ZFHX3: variants seen among roughly 807,000 people sequenced by gnomAD.
ZFHX3 encodes zinc finger homeobox 3.
In ZFHX3, 42 loss-of-function variants were observed where a neutral mutation model predicts 279.1. The ratio of observed to expected loss-of-function variants is 0.15; its 90% CI spans 0.12 to 0.19. ZFHX3 has a LOEUF of 0.19. Ranked by LOEUF, ZFHX3 falls within the 10% of genes least tolerant of loss-of-function variation. The pLI, the probability that ZFHX3 is intolerant of heterozygous loss-of-function variation, is 1.00. For missense variants in ZFHX3, 4,981 were observed against 4,754.0 expected, an observed-to-expected ratio of 1.05 and a Z score of -1.40; for synonymous variants, 2,293 against 1,957.8, an observed-to-expected ratio of 1.17 and a Z score of -4.52.
At chr16:73,200,457 C>A (rs987098497) in intron 5 of ZFHX3, among the ~76,000 whole-genome samples, 7 of 152,092 alleles carry the variant, frequency 4.6e-5, no homozygotes, top group African/African-American at 7.2e-5. Flanking sequence ...AAAATGATAT[C>A]TTTTCAACCA....
At chr16:73,503,364 GCTTC>G (rs1489240138) in intron 2 of ZFHX3, among the ~76,000 whole-genome samples, 1 of 152,192 alleles carries the variant, frequency 6.6e-6, no homozygotes, top group East Asian at 1.9e-4. Context: ...ACAACTAGGG[GCTTC>G]CTTTTGCTTT....
rs142323888 is a variant in ZFHX3, at chr16:73,003,512, A to ACCC, written c.-49-43321_-49-43319dup. ...AGACCAGCCTGGCCAACATGGTGAG[A>ACCC]CCCCCCCCTCCCCACCCCGCCCCAT... is the stretch of plus-strand genomic sequence containing the variant. On this transcript the variant is annotated intron_variant, in intron 1 of 9. Coordinates refer to ENST00000268489, the MANE Select transcript of ZFHX3 (RefSeq NM_006885.4). 2.4e-3 allele frequency among the ~76,000 whole-genome samples: 284 copies of ACCC among 120,694 alleles called. 6 individuals carry two copies. The highest frequency in any genetic ancestry group is 7.2e-3 in the African/African-American group (225 of 31,168). The allele number at this position is 120,694 out of a possible 152,430, so 79.2% of individuals were successfully genotyped here.
At chr16:73,747,812 C>T (rs2142266409) in intron 1 of ZFHX3, among the ~76,000 whole-genome samples, 1 of 152,230 alleles carries the variant, frequency 6.6e-6, no homozygotes, top group Non-Finnish European at 1.5e-5. Context: ...ACACACATGT[C>T]CCATAGTATT....
At chr16:73,028,475 C>A (rs981055254) in intron 1 of ZFHX3, among the ~76,000 whole-genome samples, 3 of 152,122 alleles carry the variant, frequency 2.0e-5, no homozygotes, top group African/African-American at 7.2e-5. Context: ...TGCCACACAC[C>A]GGGTTTGGGG....
At chr16:73,309,406 A>G (rs2015270753) in intron 4 of ZFHX3, among the ~76,000 whole-genome samples, 1 of 152,162 alleles carries the variant, frequency 6.6e-6, no homozygotes, top group Non-Finnish European at 1.5e-5. Context: ...AAAGGCCATA[A>G]TCTCATTCTT....
rs527923691 is a variant in ZFHX3, at chr16:73,832,786, T to C, written c.-1608+58865A>G. Among the ~76,000 whole-genome samples the C allele has an allele frequency of 6.6e-5, 10 of 152,260 alleles. No individual in the cohort carries two copies. In the East Asian group the frequency reaches 1.9e-3, roughly 29 times the overall value. On this transcript the variant is annotated intron_variant, in intron 1 of 17. Transcript: ENST00000641206. ...CTCACATGCTGGTATATGTTAAATA[T>C]ATATCTACACACACACACACCTTGA...
rs148522649 is a variant in ZFHX3, at chr16:73,761,622, G to C, written c.-1607-81382C>G. On this transcript the variant is annotated intron_variant, in intron 1 of 17. Transcript: ENST00000641206. ...TAGTAATCAAAACAGCATAATACCA[G>C]TACAAAAACAGACACATAGACCAAT... is the stretch of plus-strand genomic sequence containing the variant. 1.2e-3 allele frequency among the ~76,000 whole-genome samples: 183 copies of C among 152,190 alleles called. 2 individuals carry two copies. The highest frequency in any genetic ancestry group is 3.9e-3 in the African/African-American group (164 of 41,536).
intron 1 of ZFHX3, among the ~76,000 whole-genome samples, chr16:73,771,573 G>A (rs1387182101): frequency 1.3e-5 from 2 of 152,080 alleles, no homozygotes; most frequent in Admixed American, 6.6e-5. Flanking sequence ...GCACACATGC[G>A]CCACAGCCAA....
At chr16:73,710,294 T>C (rs189424430) in intron 1 of ZFHX3, among the ~76,000 whole-genome samples, 1 of 152,324 alleles carries the variant, frequency 6.6e-6, no homozygotes, top group East Asian at 1.9e-4. Context: ...GATCTGTAAA[T>C]GGTAACGATC....
At chr16:73,204,549 G>C (rs2011728151) in intron 5 of ZFHX3, among the ~76,000 whole-genome samples, 1 of 152,142 alleles carries the variant, frequency 6.6e-6, no homozygotes, top group African/African-American at 2.4e-5. Flanking sequence ...GCGAGTGACG[G>C]GGAATGGCTG....
At chr16:73,126,135 G>A (rs1259091946) in intron 7 of ZFHX3, among the ~76,000 whole-genome samples, 2 of 152,124 alleles carry the variant, frequency 1.3e-5, no homozygotes, top group African/African-American at 4.8e-5. Flanking sequence ...AGAGAGCCAA[G>A]GACCAGAATG....
chr16:73,787,488 T>C (rs1009011475), intron 1 of ZFHX3, among the ~76,000 whole-genome samples: 14 of 152,164 alleles, frequency 9.2e-5, no homozygotes, highest in African/African-American at 3.4e-4. Flanking sequence ...GCCTGGCATG[T>C]TCTGTGGCTC....
intron 6 of ZFHX3, among the ~76,000 whole-genome samples, chr16:73,140,586 C>G (rs916155444): frequency 1.3e-5 from 2 of 151,876 alleles, no homozygotes; most frequent in Non-Finnish European, 2.9e-5. Flanking sequence ...CCGGGCGTGG[C>G]GGCTCACACT....
chr16:73,519,367 T>C (rs572094088), intron 2 of ZFHX3, among the ~76,000 whole-genome samples: 1 of 152,224 alleles, frequency 6.6e-6, no homozygotes, highest in Admixed American at 6.5e-5. Flanking sequence ...AATGTTTTTC[T>C]ACATATCTCT....
rs1022557386 is a variant in ZFHX3 at position 72,889,810 on chromosome 16, C to T, written c.3369G>A (p.Arg1123=). ...CCTCCTCTGGAAGGCCCTTCTGCAGCCGCTGCAGCTTTCGCAGGCTCTCGC... is the reference window on the plus strand; with the variant it reads ...CCTCCTCTGGAAGGCCCTTCTGCAGTCGCTGCAGCTTTCGCAGGCTCTCGC... ...QRSESLRKLQ[R]LQKGLPEEDE... Residue 1123 remains arginine (R), a synonymous_variant, in exon 4 of 10, where the codon CGG becomes CGA. Coordinates refer to ENST00000268489, the MANE Select transcript of ZFHX3 (RefSeq NM_006885.4). 1.9e-6 allele frequency: 3 copies of T among 1,613,828 alleles called. No homozygotes were observed. Among genetic ancestry groups the T allele is most frequent in the Non-Finnish European group, 2.5e-6 (3 of 1,180,042 alleles).
chr16:73,262,388 T>G (rs924838373), intron 4 of ZFHX3, among the ~76,000 whole-genome samples: 5 of 152,230 alleles, frequency 3.3e-5, no homozygotes, highest in Non-Finnish European at 7.3e-5. Flanking sequence ...TAGCAGCTGA[T>G]GCCATGGCTT....
intron 2 of ZFHX3, among the ~76,000 whole-genome samples, chr16:73,563,173 TG>T (rs1279997398): frequency 3.6e-4 from 1 of 2,780 alleles, no homozygotes; most frequent in Admixed American, 3.0e-3. Flanking sequence ...TGTTTTGTTG[TG>T]TGTGTGTGTG....
intron 7 of ZFHX3, among the ~76,000 whole-genome samples, chr16:73,116,470 A>G (rs13329908): frequency 0.47 from 71,716 of 152,018 alleles, 18,024 homozygotes; most frequent in Middle Eastern, 0.63. Flanking sequence ...AGAAGGCCAG[A>G]AGTGGCTGGG....
intron 3 of ZFHX3, among the ~76,000 whole-genome samples, chr16:72,949,702 G>C (rs1337941818): frequency 2.7e-5 from 4 of 149,046 alleles, no homozygotes; most frequent in African/African-American, 9.9e-5. Context: ...GGAAGAAGAA[G>C]AAAAAGTATA....
Sources: gnomAD v4.1 joint callset for allele counts (sites outside exome capture counted in the v4.1 genomes callset) on GRCh38, gnomAD v4.1.1 for gene constraint, MANE v1.5 for transcripts, NCBI Gene and HGNC (gene_info 2026-07-23, HGNC 2026-07-21) for gene names.